SMURF2: variants seen among roughly 807,000 people sequenced by gnomAD.
The protein encoded by SMURF2 is SMAD specific E3 ubiquitin protein ligase 2, also known as E3 ubiquitin-protein ligase SMURF2.
A neutral mutation model predicts 109.6 loss-of-function variants in SMURF2; 48 were observed. The observed-to-expected ratio is 0.44, with a 90% CI of 0.35 to 0.56. The LOEUF (loss-of-function observed/expected upper bound fraction) is 0.56, where lower values mean the gene tolerates loss of function less well. Ranked by LOEUF, SMURF2 falls within the 20% of genes least tolerant of loss-of-function variation. The probability of loss-of-function intolerance (pLI) is 0.01; values close to 1 mark genes in which losing one functional copy is unlikely to be tolerated. For synonymous variants in SMURF2, 288 were observed against 317.1 expected (o/e 0.91, Z 0.97); for missense variants, 575 against 909.0 (o/e 0.63, Z 4.72).
Position 64,565,719 on chromosome 17 carries a change from T to C in SMURF2, c.1017-2753A>G, listed in dbSNP as rs1383228884. On this transcript the variant is annotated intron_variant, in intron 10 of 18. Coordinates refer to ENST00000262435, the MANE Select transcript of SMURF2 (RefSeq NM_022739.4). ...GTAACTGCTTGAGGCCCCATTTTTC[T>C]CACTGATGAGAAAGAGGTAGCCCAG... Among the ~76,000 whole-genome samples, 3 of 152,182 alleles carry C rather than the reference T, an allele frequency of 2.0e-5. No homozygotes were observed. The East Asian group carries it at 5.8e-4, about 29-fold the overall frequency.
At chr17:64,645,511 C>T (rs1171712852) in intron 1 of SMURF2, among the ~76,000 whole-genome samples, 2 of 152,092 alleles carry the variant, frequency 1.3e-5, no homozygotes, top group Admixed American at 6.5e-5. Context: ...TATGTTCACA[C>T]CTGTGAACAC....
chr17:64,645,745 TAC>T (rs1419833629), intron 1 of SMURF2, among the ~76,000 whole-genome samples: 2 of 152,184 alleles, frequency 1.3e-5, no homozygotes, highest in African/African-American at 4.8e-5. Context: ...TAGCTGGGAT[TAC>T]AGACATATGC....
intron 1 of SMURF2, among the ~76,000 whole-genome samples, chr17:64,609,716 A>G (rs1970017921): frequency 6.6e-6 from 1 of 151,798 alleles, no homozygotes. Context: ...GGCACGCACA[A>G]AGACTTCATG....
intron 9 of SMURF2, among the ~76,000 whole-genome samples, chr17:64,576,433 G>A (rs1457083883): frequency 6.6e-6 from 1 of 152,010 alleles, no homozygotes; most frequent in Non-Finnish European, 1.5e-5. Context: ...GTAGGTCGAG[G>A]TGAGCAAATC....
At chr17:64,589,868 C>T (rs1213809897) in intron 5 of SMURF2, among the ~76,000 whole-genome samples, 2 of 152,002 alleles carry the variant, frequency 1.3e-5, no homozygotes, top group Non-Finnish European at 2.9e-5. Flanking sequence ...CCACCTCCAC[C>T]CCCAGCCTGG....
intron 1 of SMURF2, among the ~76,000 whole-genome samples, chr17:64,656,899 G>T (rs1473711904): frequency 6.6e-6 from 1 of 152,004 alleles, no homozygotes; most frequent in African/African-American, 2.4e-5. Context: ...ATCCTGCAAT[G>T]GTTCCCCCCA....
At chr17:64,637,932 A>C (rs1555692229) in intron 1 of SMURF2, among the ~76,000 whole-genome samples, 1 of 151,476 alleles carries the variant, frequency 6.6e-6, no homozygotes, top group Non-Finnish European at 1.5e-5. Context: ...TCAAAAAAAA[A>C]AAAAAAAAAA....
chr17:64,600,828 T>C (rs1598289469), intron 2 of SMURF2, among the ~76,000 whole-genome samples: 1 of 152,186 alleles, frequency 6.6e-6, no homozygotes, highest in East Asian at 1.9e-4. Flanking sequence ...AATAAACATA[T>C]AAATGTGTAT....
chr17:64,596,793 T>A (rs558067295), intron 3 of SMURF2, among the ~76,000 whole-genome samples: 1 of 151,898 alleles, frequency 6.6e-6, no homozygotes, highest in African/African-American at 2.4e-5. Context: ...CAGAACTGAA[T>A]ATATGGAGAA....
At chr17:64,586,750 CAAAAAAA>C (rs782490512) in intron 5 of SMURF2, among the ~76,000 whole-genome samples, 2 of 27,462 alleles carry the variant, frequency 7.3e-5, no homozygotes, top group African/African-American at 2.6e-4. Context: ...GACTCCGTCT[CAAAAAAA>C]AAAAAAAAAA....
chr17:64,635,106 C>T (rs894965886), intron 1 of SMURF2, among the ~76,000 whole-genome samples: 2 of 152,044 alleles, frequency 1.3e-5, no homozygotes, highest in Admixed American at 6.6e-5. Flanking sequence ...GTGAGTGGAT[C>T]GCTTGAGGCC....
At chr17:64,583,794 A>G (rs1969608666) in intron 6 of SMURF2, among the ~76,000 whole-genome samples, 2 of 152,186 alleles carry the variant, frequency 1.3e-5, no homozygotes, top group Admixed American at 1.3e-4. Context: ...AATTTTTAAT[A>G]ATGTCAACAA....
chr17:64,590,139 C>CTT (rs1441728481), intron 5 of SMURF2, among the ~76,000 whole-genome samples: 9 of 133,602 alleles, frequency 6.7e-5, no homozygotes, highest in African/African-American at 3.4e-4. Context: ...TTGAATTTTT[C>CTT]TTTTCTTTTT....
At position 64,631,181 on chromosome 17, in the gene SMURF2, A is replaced by AC. The variant is rs1970334358; in HGVS notation, c.53-24542_53-24541insG. Among the ~76,000 whole-genome samples, 16 of 145,286 alleles carry AC rather than the reference A, an allele frequency of 1.1e-4. No individual in the cohort carries two copies. The South Asian group carries it at 3.8e-3, about 34-fold the overall frequency. On this transcript the variant is annotated intron_variant, in intron 1 of 18. Transcript: ENST00000262435. ...GCCGGGTGTGGTGGCGTGTGCCTGT[A>AC]GTCCCAGCTACTCAGGTCAAAAAAA...
intron 1 of SMURF2, among the ~76,000 whole-genome samples, chr17:64,607,330 A>C (rs1555689145): frequency 1.3e-5 from 2 of 152,134 alleles, no homozygotes; most frequent in Admixed American, 6.5e-5. Flanking sequence ...TGCCCACTTT[A>C]AAGAGGATAA....
At chr17:64,629,127 C>T (rs1555691384) in intron 1 of SMURF2, among the ~76,000 whole-genome samples, 1 of 152,158 alleles carries the variant, frequency 6.6e-6, no homozygotes, top group African/African-American at 2.4e-5. Context: ...CACAAACTTA[C>T]AGACTACTAG....
intron 1 of SMURF2, among the ~76,000 whole-genome samples, chr17:64,643,271 C>A (rs956818505): frequency 6.6e-6 from 1 of 152,086 alleles, no homozygotes; most frequent in Non-Finnish European, 1.5e-5. Context: ...CACCCACCTG[C>A]GCTGGCCTCC....
At chr17:64,624,329 T>C (rs868986837) in intron 1 of SMURF2, among the ~76,000 whole-genome samples, 1 of 150,386 alleles carries the variant, frequency 6.6e-6, no homozygotes, top group South Asian at 2.1e-4. Flanking sequence ...AAACCTCATC[T>C]CTATAAAAAA....
Position 64,542,688 on chromosome 17 carries a change from C to G in SMURF2, c.*3160G>C, listed in dbSNP as rs1447004511. 2.0e-5 allele frequency: 3 copies of G among 152,084 alleles called. No homozygotes were observed. Among genetic ancestry groups the G allele is most frequent in the Non-Finnish European group, 2.9e-5 (2 of 68,034 alleles). The allele number at this position is 152,084 out of a possible 1,614,324, so 9.4% of individuals were successfully genotyped here. On this transcript the variant is annotated 3_prime_UTR_variant, in exon 19 of 19. Transcript: ENST00000262435. ...GATGGTTGGAACAGCCTCTAACTCCCAACAATCCAATCAGTCCAATGCACT... is the reference window on the plus strand; with the variant it reads ...GATGGTTGGAACAGCCTCTAACTCCGAACAATCCAATCAGTCCAATGCACT...
Sources: gnomAD v4.1 joint callset for allele counts (sites outside exome capture counted in the v4.1 genomes callset) on GRCh38, gnomAD v4.1.1 for gene constraint, MANE v1.5 for transcripts, NCBI Gene and HGNC (gene_info 2026-07-23, HGNC 2026-07-21) for gene names.